The following SIRT2 variants were observed in gnomAD, a reference collection of about 807,000 sequenced individuals.
SIRT2 encodes the protein sirtuin 2.
SIRT2 carries 40 observed loss-of-function variants against 57.4 expected under a neutral mutation model. The observed-to-expected ratio is 0.70, with a 90% CI of 0.54 to 0.91. The LOEUF (loss-of-function observed/expected upper bound fraction) is 0.91, where lower values mean the gene tolerates loss of function less well. Among genes scored for constraint, SIRT2 ranks in the 40% least tolerant of loss-of-function variants. SIRT2 has a pLI of 0.00. For synonymous variants in SIRT2, 161 were observed against 195.7 expected, an observed-to-expected ratio of 0.82 and a Z score of 1.48; for missense variants, 439 against 510.4, an observed-to-expected ratio of 0.86 and a Z score of 1.35.
intron 13 of SIRT2, 157 bp from the exon 14 acceptor site, chr19:38,879,859 C>CT (rs1288490113): frequency 1.6e-5 from 10 of 614,584 alleles, no homozygotes; most frequent in Middle Eastern, 4.3e-4. Context: ...AAGTTTCACT[C>CT]TTGTTGCCCA....
chr19:38,893,313 A>T (rs1366449912), intron 4 of SIRT2, 101 bp downstream of exon 4: 5 of 762,258 alleles, frequency 6.6e-6, no homozygotes, highest in African/African-American at 5.2e-5. Context: ...CTTGCTACTT[A>T]TAAAGAAAAG....
At chr19:38,887,230 T>C (rs890255472) in intron 8 of SIRT2, among the ~76,000 whole-genome samples, 41 of 152,156 alleles carry the variant, frequency 2.7e-4, no homozygotes, top group African/African-American at 9.7e-4. Context: ...ATATGCTCAG[T>C]ATATGGTGTC....
In SIRT2 at chr19:38,893,839, G is replaced by A; in HGVS notation, c.92C>T (p.Ala31Val). Reference sequence around the variant, plus strand: ...CTCACTGTCTGCTTCTCCACCAGCGGCTCCTCCCTCAGAGTCTGAATCTGA... The same window carrying A: ...CTCACTGTCTGCTTCTCCACCAGCGACTCCTCCCTCAGAGTCTGAATCTGA... ...QDSDSDSEGGAAGGEADMDFL... is the reference protein window; with the variant it reads ...QDSDSDSEGGVAGGEADMDFL... The change falls in exon 3 of 16, where the codon GCC becomes GTC. Residue 31 changes from alanine (A) to valine (V), a missense_variant. Transcript: ENST00000249396. 1 of 1,614,178 alleles carries A rather than the reference G, an allele frequency of 6.2e-7. No homozygotes were observed. Among genetic ancestry groups the A allele is most frequent in the Non-Finnish European group, 8.5e-7 (1 of 1,180,014 alleles).
Position 38,878,933 on chromosome 19 carries a change from G to A in SIRT2, c.*222C>T. On this transcript the variant is annotated 3_prime_UTR_variant, in exon 16 of 16. Transcript: ENST00000249396. The stretch of plus-strand genomic sequence containing the variant: ...AGGAGTGGTTAGAGACAGTGGGGCT[G>A]GTAGAGATGCCTGTTTAAGCCTTGG... The A allele has an allele frequency of 1.9e-6, 1 of 523,524 alleles. No individual in the cohort carries two copies. The highest frequency in any genetic ancestry group is 3.4e-5 in the East Asian group (1 of 29,534). The allele number at this position is 523,524 out of a possible 1,614,324, so 32.4% of individuals were successfully genotyped here.
chr19:38,881,199 A>C (rs1973142552), intron 10 of SIRT2, 44 bp from the exon 11 acceptor site: 3 of 1,587,488 alleles, frequency 1.9e-6, no homozygotes, highest in Non-Finnish European at 2.6e-6. Context: ...TGACATGGGG[A>C]GGCAGAGAGG....
At chr19:38,891,761 A>T in intron 4 of SIRT2, 1 of 412,618 alleles carries the variant, frequency 2.4e-6, no homozygotes. Flanking sequence ...TTTCATTACT[A>T]TCTCCTCCTG....
intron 4 of SIRT2, among the ~76,000 whole-genome samples, chr19:38,891,581 T>A (rs889223558): frequency 6.6e-6 from 1 of 151,928 alleles, no homozygotes; most frequent in Non-Finnish European, 1.5e-5. Context: ...TTTAGAGCAG[T>A]GAGGTGAGGG....
At chr19:38,895,840 AGGT>A (rs1222265561) in intron 2 of SIRT2, among the ~76,000 whole-genome samples, 1 of 152,178 alleles carries the variant, frequency 6.6e-6, no homozygotes, top group African/African-American at 2.4e-5. Flanking sequence ...TGGGAGGCTG[AGGT>A]GGGTGGATCA....
At position 38,879,476 on chromosome 19, in the gene SIRT2, G is replaced by A. The variant is rs192567608; in HGVS notation, c.972C>T (p.Cys324=). The A allele has an allele frequency of 1.2e-4, 193 of 1,604,534 alleles. No homozygotes were observed. In the Middle Eastern group the frequency reaches 3.1e-3, roughly 26 times the overall value. Residue 324 remains cysteine, a synonymous_variant, in exon 15 of 16, where the codon TGC becomes TGT. Coordinates refer to ENST00000249396, the MANE Select transcript of SIRT2 (RefSeq NM_012237.4). The stretch of plus-strand genomic sequence containing the variant: ...CAGCAAGGGCCAGGCAGCCCTGGTC[G>A]CATTCACCCAGCCAGGCCACGTCCC... The part of the protein sequence containing the change: ...AYRDVAWLGE[C]DQGCLALAEL...
At chr19:38,879,886 T>C (rs1017124171) in intron 13 of SIRT2, 184 bp from the exon 14 acceptor site, 2 of 590,890 alleles carry the variant, frequency 3.4e-6, no homozygotes, top group Admixed American at 3.0e-5. Flanking sequence ...AGTGCAATGA[T>C]GTGATCTCGG....
intron 6 of SIRT2, 47 bp from the exon 7 acceptor site, chr19:38,889,792 G>T: frequency 1.2e-6 from 2 of 1,613,862 alleles, no homozygotes; most frequent in Non-Finnish European, 1.7e-6. Flanking sequence ...GTAGCGTGAG[G>T]GTTGGAGCCA....
chr19:38,879,901 C>T, intron 13 of SIRT2, 199 bp from the exon 14 acceptor site: 1 of 571,500 alleles, frequency 1.7e-6, no homozygotes, highest in Non-Finnish European at 3.1e-6. Flanking sequence ...TCTCGGCTCA[C>T]TGCAACCTCC....
Position 38,883,700 on chromosome 19 carries a change from C to T in SIRT2, c.558G>A (p.Ala186=), listed in dbSNP as rs199812186. 15 of 1,613,950 alleles carry T rather than the reference C, an allele frequency of 9.3e-6. No individual in the cohort carries two copies. The highest frequency in any genetic ancestry group is 1.3e-5 in the Non-Finnish European group (15 of 1,179,980). ...AGLEQEDLVE[A]HGTFYTSHCV... Reference sequence around the variant, plus strand: ...AGTGTGATGTGTAGAAGGTGCCGTGCGCCTCCACCAAGTCCTCCTGTTCCA... The same window carrying T: ...AGTGTGATGTGTAGAAGGTGCCGTGTGCCTCCACCAAGTCCTCCTGTTCCA... Residue 186 remains alanine (A), a synonymous_variant, in exon 9 of 16, where the codon GCG becomes GCA. Coordinates refer to ENST00000249396, the MANE Select transcript of SIRT2 (RefSeq NM_012237.4).
chr19:38,881,731 G>A (rs912156277), intron 9 of SIRT2, among the ~76,000 whole-genome samples: 6 of 149,618 alleles, frequency 4.0e-5, no homozygotes, highest in South Asian at 2.1e-4. Flanking sequence ...TCTGTTGCCC[G>A]GGCTGGAATG....
intron 4 of SIRT2, among the ~76,000 whole-genome samples, chr19:38,891,324 A>G (rs1973526884): frequency 6.6e-6 from 1 of 152,218 alleles, no homozygotes; most frequent in South Asian, 2.1e-4. Flanking sequence ...CGAGGGGGGC[A>G]GATCACCTGA....
Position 38,879,163 on chromosome 19 carries a change from G to A in SIRT2, c.1162C>T (p.Pro388Ser). 1.3e-6 allele frequency: 2 copies of A among 1,572,726 alleles called. No individual in the cohort carries two copies. The highest frequency in any genetic ancestry group is 1.7e-6 in the Non-Finnish European group (2 of 1,166,152). ...CCTGGGAGATGCAGCTGTCACTGGG[G>A]TTTCTCCCTCTCTGTTGTCCTGGCC... Reference protein sequence around the residue: ...DEARTTEREKPQ With the variant: ...DEARTTEREKSQ Residue 388 changes from proline to serine, a missense_variant, in exon 16 of 16, where the codon CCC (proline) becomes TCC (serine). Physicochemically the swap from Pro to Ser is moderately conservative, Grantham distance 74. Transcript: ENST00000249396.
At chr19:38,881,849 G>A (rs188104177) in intron 9 of SIRT2, among the ~76,000 whole-genome samples, 112 of 151,792 alleles carry the variant, frequency 7.4e-4, no homozygotes, top group South Asian at 8.3e-4. Flanking sequence ...CAGCACGCCC[G>A]GCTAAATTTT....
rs769910772 is a variant in SIRT2 at position 38,879,306 on chromosome 19, T to A, written c.1019A>T (p.Glu340Val). ...ALAELLGWKK[E>V]LEDLVRREHA... ...CTCCCTCCGGACAAGGTCCTCCAGC[T>A]CCTTCTGCAGGAGCAAAGGTCACAG... Residue 340 changes from glutamate to valine, a missense_variant, in exon 16 of 16, where the codon GAG becomes GTG. Coordinates refer to ENST00000249396, the MANE Select transcript of SIRT2 (RefSeq NM_012237.4). 4 of 1,613,530 alleles carry A rather than the reference T, an allele frequency of 2.5e-6. No homozygotes were observed. Among genetic ancestry groups the A allele is most frequent in the Non-Finnish European group, 1.7e-6 (2 of 1,179,892 alleles).
chr19:38,881,432 C>CA lies in SIRT2; in HGVS notation c.690dup (p.Asp231Ter). The stretch of plus-strand genomic sequence containing the variant: ...GGCAGGTCCCTGGCCAGAGGCTCAC[C>CA]AGGCTTCACCAGGCTCTGACAGTCT... On this transcript the variant is annotated frameshift_variant and splice_region_variant, in exon 10 of 16. Transcript: ENST00000249396. LOFTEE classifies it high-confidence loss of function. 1.2e-6 allele frequency: 2 copies of CA among 1,613,972 alleles called. No individual in the cohort carries two copies. The highest frequency in any genetic ancestry group is 1.7e-6 in the Non-Finnish European group (2 of 1,179,924).
Sources: allele counts gnomAD v4.1 joint callset (sites outside exome capture counted in the v4.1 genomes callset), GRCh38; gene constraint gnomAD v4.1.1; transcripts MANE v1.5; gene names NCBI Gene and HGNC (gene_info 2026-07-23, HGNC 2026-07-21).